The following LSAMP variants were observed in gnomAD, a reference collection of about 807,000 sequenced individuals.
LSAMP encodes limbic system-associated membrane protein.
A neutral mutation model predicts 38.6 loss-of-function variants in LSAMP; 7 were observed. The ratio of observed to expected loss-of-function variants is 0.18; its 90% CI spans 0.10 to 0.34. LSAMP has a LOEUF of 0.34. Ranked by LOEUF, LSAMP falls within the 10% of genes least tolerant of loss-of-function variation. LSAMP has a pLI of 1.00. For synonymous variants in LSAMP, 154 were observed against 166.8 expected, an observed-to-expected ratio of 0.92 and a Z score of 0.59; for missense variants, 313 against 420.0, an observed-to-expected ratio of 0.75 and a Z score of 2.23.
intron 1 of LSAMP, among the ~76,000 whole-genome samples, chr3:116,112,950 T>C (rs1282392456): frequency 6.6e-6 from 1 of 151,102 alleles, no homozygotes; most frequent in African/African-American, 2.5e-5. Flanking sequence ...GAGTTCAAGC[T>C]TTTGGAATTC....
intron 3 of LSAMP, among the ~76,000 whole-genome samples, chr3:115,991,831 G>A (rs1048111602): frequency 6.6e-6 from 1 of 152,116 alleles, no homozygotes; most frequent in Non-Finnish European, 1.5e-5. Context: ...TGCTAAATGT[G>A]CTGAGGTTAT....
intron 3 of LSAMP, among the ~76,000 whole-genome samples, chr3:115,977,203 G>T (rs1360737330): frequency 6.6e-6 from 1 of 152,058 alleles, no homozygotes; most frequent in Non-Finnish European, 1.5e-5. Context: ...TTTCAGTATG[G>T]CCCAGACTAG....
At chr3:115,933,186 A>G (rs1490655649) in intron 3 of LSAMP, among the ~76,000 whole-genome samples, 1 of 152,206 alleles carries the variant, frequency 6.6e-6, no homozygotes, top group Non-Finnish European at 1.5e-5. Context: ...TTGGGAGCCC[A>G]TTGAAGGTTG....
chr3:115,953,745 C>T (rs191559634), intron 3 of LSAMP, among the ~76,000 whole-genome samples: 1 of 152,342 alleles, frequency 6.6e-6, no homozygotes, highest in Admixed American at 6.5e-5. Context: ...CTTCTGCCTA[C>T]TTCTCCAAAG....
chr3:116,021,692 G>C (rs934400244), intron 2 of LSAMP, among the ~76,000 whole-genome samples: 3 of 151,532 alleles, frequency 2.0e-5, no homozygotes, highest in South Asian at 2.1e-4. Flanking sequence ...GATAAAAAAG[G>C]CTCTATATCC....
intron 3 of LSAMP, among the ~76,000 whole-genome samples, chr3:115,966,725 A>C (rs1938828118): frequency 6.6e-6 from 1 of 152,140 alleles, no homozygotes; most frequent in Admixed American, 6.5e-5. Context: ...CCATAAGCAT[A>C]ATATGATCCA....
At chr3:116,199,352 G>A (rs2045958026) in intron 1 of LSAMP, among the ~76,000 whole-genome samples, 1 of 151,918 alleles carries the variant, frequency 6.6e-6, no homozygotes, top group African/African-American at 2.4e-5. Flanking sequence ...CCAACAATTA[G>A]GTGTTCTTTC....
intron 1 of LSAMP, among the ~76,000 whole-genome samples, chr3:116,265,265 G>A (rs2046876992): frequency 3.9e-5 from 6 of 152,166 alleles, no homozygotes; most frequent in Admixed American, 3.9e-4. Flanking sequence ...AGAGGCTAAG[G>A]TTCATGCTGG....
chr3:115,857,356 C>G (rs145219911), intron 3 of LSAMP, among the ~76,000 whole-genome samples: 1 of 152,312 alleles, frequency 6.6e-6, no homozygotes, highest in African/African-American at 2.4e-5. Flanking sequence ...TGGCTGCTCT[C>G]AACCCCAGGG....
At chr3:115,861,953 G>A (rs988260234) in intron 3 of LSAMP, among the ~76,000 whole-genome samples, 54 of 152,244 alleles carry the variant, frequency 3.5e-4, no homozygotes, top group African/African-American at 1.0e-3. Context: ...TTATGACCTC[G>A]GGTGCGGGGA....
intron 2 of LSAMP, among the ~76,000 whole-genome samples, chr3:116,037,696 A>T (rs1206813332): frequency 6.6e-6 from 1 of 152,102 alleles, no homozygotes. Context: ...GTATGGTAAC[A>T]TTACTGATTT....
chr3:115,810,770 G>A (rs9877950), intron 6 of LSAMP, among the ~76,000 whole-genome samples: 40,664 of 152,002 alleles, frequency 0.27, 5,503 homozygotes, highest in African/African-American at 0.31. Context: ...GCCAGCACTC[G>A]TTAAGGTTCC....
At chr3:116,070,109 AAAAG>A (rs1193856374) in intron 2 of LSAMP, among the ~76,000 whole-genome samples, 1 of 152,196 alleles carries the variant, frequency 6.6e-6, no homozygotes, top group East Asian at 1.9e-4. Context: ...GAATTGCAAA[AAAAG>A]GGAATTATTC....
chr3:115,842,729 A>G (rs1266043730), intron 4 of LSAMP, 151 bp from the exon 5 acceptor site: 2 of 869,056 alleles, frequency 2.3e-6, no homozygotes, highest in Non-Finnish European at 3.4e-6. Flanking sequence ...TGATCAGCTC[A>G]ATGGGGTTGA....
intron 1 of LSAMP, among the ~76,000 whole-genome samples, chr3:116,274,085 TTCTC>T (rs1453745802): frequency 6.6e-6 from 1 of 152,086 alleles, no homozygotes; most frequent in East Asian, 1.9e-4. Flanking sequence ...TTCTGGACTG[TTCTC>T]TCTCACATTT....
At chr3:115,973,359 T>G (rs971477437) in intron 3 of LSAMP, among the ~76,000 whole-genome samples, 1 of 152,192 alleles carries the variant, frequency 6.6e-6, no homozygotes, top group African/African-American at 2.4e-5. Flanking sequence ...TTTCAGATTT[T>G]GAATTTTTTT....
chr3:116,121,182 A>G (rs1708866669), intron 1 of LSAMP, among the ~76,000 whole-genome samples: 1 of 152,212 alleles, frequency 6.6e-6, no homozygotes, highest in South Asian at 2.1e-4. Flanking sequence ...TTATTTACTA[A>G]AAGACCTAAA....
intron 1 of LSAMP, among the ~76,000 whole-genome samples, chr3:116,318,637 C>A (rs34408946): frequency 3.9e-5 from 6 of 152,078 alleles, no homozygotes; most frequent in Non-Finnish European, 5.9e-5. Context: ...TTAAACATAA[C>A]GCAGCTAGCA....
At chr3:116,243,473 C>T (rs1310311475) in intron 1 of LSAMP, among the ~76,000 whole-genome samples, 5 of 152,076 alleles carry the variant, frequency 3.3e-5, no homozygotes, top group African/African-American at 1.2e-4. Context: ...CTATTTTTTT[C>T]ACTTTTCTAT....
Sources: allele counts gnomAD v4.1 joint callset (sites outside exome capture counted in the v4.1 genomes callset), GRCh38; gene constraint gnomAD v4.1.1; transcripts MANE v1.5; gene names NCBI Gene and HGNC (gene_info 2026-07-23, HGNC 2026-07-21).